The following ZZEF1 variants were observed in gnomAD, a reference collection of about 807,000 sequenced individuals.
ZZEF1 encodes the protein zinc finger ZZ-type and EF-hand domain-containing protein 1.
ZZEF1 carries 157 observed loss-of-function variants against 342.8 expected under a neutral mutation model. The observed-to-expected ratio is 0.46, with a 90% CI of 0.40 to 0.52. The LOEUF (loss-of-function observed/expected upper bound fraction) is 0.52, where lower values mean the gene tolerates loss of function less well. Ranked by LOEUF, ZZEF1 falls within the 20% of genes least tolerant of loss-of-function variation. The pLI is 0.00. For synonymous variants in ZZEF1, 1,505 were observed against 1,429.1 expected, an observed-to-expected ratio of 1.05 and a Z score of -1.20; for missense variants, 3,480 against 3,725.6, an observed-to-expected ratio of 0.93 and a Z score of 1.72.
intron 30 of ZZEF1, among the ~76,000 whole-genome samples, chr17:4,062,492 T>A (rs140236615): frequency 6.6e-6 from 1 of 152,162 alleles, no homozygotes; most frequent in East Asian, 1.9e-4. Context: ...AGCCAAATGA[T>A]GCATGAGTAT....
rs773055317 is a variant in ZZEF1 at position 4,050,814 on chromosome 17, C to T, written c.5830G>A (p.Gly1944Arg). ...TLRSQCMQLV[G>R]DCLMKAHQGK... ...TGATGAGCCTTCATCAGACAGTCCC[C>T]GACGAGCTGCATGCACTGGCTCCGC... Residue 1944 changes from glycine to arginine, a missense_variant, in exon 36 of 55, where the codon GGG becomes AGG. Physicochemically the swap from Gly to Arg is moderately radical, Grantham distance 125. Around this residue, in one of 5 missense-constraint regions of ZZEF1, gnomAD observed 1,269 missense variants for 1,342.4 expected, o/e 0.95. Coordinates refer to ENST00000381638, the MANE Select transcript of ZZEF1 (RefSeq NM_015113.4). 8.1e-6 allele frequency: 13 copies of T among 1,613,978 alleles called. No individual in the cohort carries two copies. Among genetic ancestry groups the T allele is most frequent in the Admixed American group, 3.3e-5 (2 of 60,004 alleles).
rs906923152 is a variant in ZZEF1 at position 4,055,557 on chromosome 17, C to T, written c.5295+659G>A. ...TCACCAGGCAGCCTTCTGATGGAAA[C>T]GTGGCTTCCCACACTGCTTGTCTAC... On this transcript the variant is annotated intron_variant, in intron 33 of 54. Coordinates refer to ENST00000381638, the MANE Select transcript of ZZEF1 (RefSeq NM_015113.4). Among the ~76,000 whole-genome samples the T allele has an allele frequency of 8.5e-5, 13 of 152,200 alleles. No homozygotes were observed. In the East Asian group the frequency reaches 2.3e-3, roughly 27 times the overall value.
chr17:4,058,082 C>A lies in ZZEF1; in HGVS notation c.5077G>T (p.Asp1693Tyr), dbSNP rs1369328448. The part of the protein sequence containing the change: ...HLLDMGWEPN[D>Y]LAFFVDIQLP... ...TGAATATCAACAAAGAAGGCGAGATCATTGGGTTCCCAGCCCATATCCAAA... is the reference window on the plus strand; with the variant it reads ...TGAATATCAACAAAGAAGGCGAGATAATTGGGTTCCCAGCCCATATCCAAA... Residue 1693 changes from aspartate (D) to tyrosine (Y), a missense_variant, in exon 32 of 55, where the codon GAT becomes TAT. Physicochemically the swap from Asp to Tyr is radical, Grantham distance 160 (BLOSUM62 -3). Around this residue, in one of 5 missense-constraint regions of ZZEF1, gnomAD observed 1,528 missense variants for 1,624.1 expected, o/e 0.94. Transcript: ENST00000381638. 5 of 1,613,998 alleles carry A rather than the reference C, an allele frequency of 3.1e-6. No individual in the cohort carries two copies. Among genetic ancestry groups the A allele is most frequent in the East Asian group, 2.2e-5 (1 of 44,892 alleles).
At chr17:4,018,676 TTCTC>T in intron 46 of ZZEF1, among the ~76,000 whole-genome samples, 1 of 152,206 alleles carries the variant, frequency 6.6e-6, no homozygotes, top group East Asian at 1.9e-4. Context: ...TCGGTGGCCC[TTCTC>T]TCTCTCTAAA....
intron 11 of ZZEF1, among the ~76,000 whole-genome samples, chr17:4,093,279 T>C (rs1319150744): frequency 6.6e-6 from 1 of 152,102 alleles, no homozygotes; most frequent in Non-Finnish European, 1.5e-5. Flanking sequence ...AGAAAAGCAG[T>C]GTTTAAAAAG....
Position 4,096,675 on chromosome 17 carries a change from G to A in ZZEF1, c.1698C>T (p.Thr566=), listed in dbSNP as rs1304484193. The change falls in exon 10 of 55, where the codon ACC becomes ACT. Residue 566 remains threonine, a synonymous_variant. Coordinates refer to ENST00000381638, the MANE Select transcript of ZZEF1 (RefSeq NM_015113.4). ...CGGTAGAAAAAATAGTGCTGGCTCT[G>A]GTTTTTCCAGTTTCCGTAAGAAAAC... is the stretch of plus-strand genomic sequence containing the variant. ...RDGFLTETGK[T]RASTIFSTGT... 1 of 1,613,998 alleles carries A rather than the reference G, an allele frequency of 6.2e-7. No homozygotes were observed.
At chr17:4,113,394 T>C (rs905555309) in intron 4 of ZZEF1, among the ~76,000 whole-genome samples, 8 of 152,206 alleles carry the variant, frequency 5.3e-5, no homozygotes, top group African/African-American at 1.9e-4. Flanking sequence ...ATTTCAAAAA[T>C]GTATATAGAA....
chr17:4,083,332 C>T (rs1158359581), intron 16 of ZZEF1, among the ~76,000 whole-genome samples: 5 of 152,232 alleles, frequency 3.3e-5, no homozygotes, highest in African/African-American at 1.2e-4. Flanking sequence ...CTGGTAAACA[C>T]TTGCACCAAA....
At chr17:4,032,336 C>T (rs2056567001) in intron 41 of ZZEF1, 78 bp from the exon 42 acceptor site, 7 of 1,484,456 alleles carry the variant, frequency 4.7e-6, no homozygotes, top group South Asian at 1.3e-5. Flanking sequence ...AAGCCCAGCC[C>T]CCTTTGATTG....
chr17:4,128,489 T>C (rs930527513), intron 1 of ZZEF1, among the ~76,000 whole-genome samples: 3 of 151,642 alleles, frequency 2.0e-5, no homozygotes, highest in Non-Finnish European at 2.9e-5. Flanking sequence ...ACACAGAGTT[T>C]AGTTCTGTCA....
chr17:4,100,481 T>A (rs192184890), intron 9 of ZZEF1, among the ~76,000 whole-genome samples: 1 of 152,106 alleles, frequency 6.6e-6, no homozygotes, highest in Non-Finnish European at 1.5e-5. Context: ...GAAGGAGAAC[T>A]GGGTAGGTAA....
intron 3 of ZZEF1, 122 bp from the exon 4 acceptor site, chr17:4,114,592 T>A: frequency 1.3e-6 from 1 of 792,442 alleles, no homozygotes; most frequent in Non-Finnish European, 1.8e-6. Flanking sequence ...AAATCTTCCT[T>A]AAAATCTCCT....
rs777288510 is a variant in ZZEF1 at position 4,076,662 on chromosome 17, C to A, written c.3209G>T (p.Ser1070Ile). The A allele has an allele frequency of 1.2e-6, 2 of 1,612,764 alleles. No homozygotes were observed. The highest frequency in any genetic ancestry group is 1.7e-6 in the Non-Finnish European group (2 of 1,179,188). The change falls in exon 21 of 55, where the codon AGT becomes ATT. Residue 1070 changes from serine (S) to isoleucine (I), a missense_variant. Physicochemically the swap from Ser to Ile is moderately radical, Grantham distance 142 (BLOSUM62 -2). Transcript: ENST00000381638. ...CTTCCTCAGTCCTCCTTCGGGGCCA[C>A]TACAGAGCTTCTTCAGGAGTTCTGT... The part of the protein sequence containing the change: ...VLTELLKKLC[S>I]GPEGGLRKLD...
chr17:4,083,432 C>T (rs546856982), intron 16 of ZZEF1, among the ~76,000 whole-genome samples: 1 of 152,284 alleles, frequency 6.6e-6, no homozygotes, highest in African/African-American at 2.4e-5. Flanking sequence ...AGAAGTGATT[C>T]CTCAGGCTGA....
intron 18 of ZZEF1, among the ~76,000 whole-genome samples, chr17:4,078,908 T>C (rs998498385): frequency 6.6e-6 from 1 of 152,232 alleles, no homozygotes; most frequent in African/African-American, 2.4e-5. Context: ...GATTGAACCC[T>C]AACTCTTTAG....
Position 4,021,208 on chromosome 17 carries a change from A to C in ZZEF1, c.7325T>G (p.Val2442Gly). ...GDREEEVERP[V>G]SSPGDPEQKK... ...CTGCTCTGGGTCGCCAGGGCTGCTG[A>C]CTGGCCGTTCCACCTCTTCCTCTCG... is the stretch of plus-strand genomic sequence containing the variant. The change falls in exon 45 of 55, where the codon GTC becomes GGC. Residue 2442 changes from valine (V) to glycine (G), a missense_variant. Physicochemically the swap from Val to Gly is moderately radical, Grantham distance 109. Around this residue, in one of 5 missense-constraint regions of ZZEF1, gnomAD observed 1,269 missense variants for 1,342.4 expected, o/e 0.95. Coordinates refer to ENST00000381638, the MANE Select transcript of ZZEF1 (RefSeq NM_015113.4). 6.2e-7 allele frequency: 1 copy of C among 1,614,102 alleles called. No individual in the cohort carries two copies. The highest frequency in any genetic ancestry group is 8.5e-7 in the Non-Finnish European group (1 of 1,180,010).
intron 16 of ZZEF1, among the ~76,000 whole-genome samples, 200 bp downstream of exon 16, chr17:4,085,470 A>T (rs1349985576): frequency 6.6e-6 from 1 of 152,220 alleles, no homozygotes; most frequent in Non-Finnish European, 1.5e-5. Flanking sequence ...CGATCATGAA[A>T]CACAGATTGG....
At chr17:4,137,348 T>G (rs9909206) in intron 1 of ZZEF1, among the ~76,000 whole-genome samples, 1 of 152,090 alleles carries the variant, frequency 6.6e-6, no homozygotes, top group Non-Finnish European at 1.5e-5. Flanking sequence ...CGATGGCTCA[T>G]GCCTGTAATC....
chr17:4,086,012 G>A (rs1205740380), intron 15 of ZZEF1, among the ~76,000 whole-genome samples: 1 of 152,122 alleles, frequency 6.6e-6, no homozygotes, highest in Non-Finnish European at 1.5e-5. Flanking sequence ...CAGTTTTTAT[G>A]TCATTACTTC....
Sources: allele counts gnomAD v4.1 joint callset (sites outside exome capture counted in the v4.1 genomes callset), GRCh38; gene constraint gnomAD v4.1.1; regional missense constraint gnomAD v4.1.1; transcripts MANE v1.5; gene names NCBI Gene and HGNC (gene_info 2026-07-23, HGNC 2026-07-21).